SYCP2: variants seen among roughly 807,000 people sequenced by gnomAD.
SYCP2 encodes synaptonemal complex protein 2, also known as synaptonemal complex lateral element protein.
A neutral mutation model predicts 211.3 loss-of-function variants in SYCP2; 55 were observed. The observed-to-expected ratio is 0.26, with a 90% CI of 0.21 to 0.33. The LOEUF (loss-of-function observed/expected upper bound fraction) is 0.33, where lower values mean the gene tolerates loss of function less well. SYCP2 is among the 10% of genes least tolerant of loss of function. SYCP2 has a pLI of 1.00. For missense variants in SYCP2, 1,731 were observed against 1,752.0 expected (o/e 0.99, Z 0.21); for synonymous variants, 570 against 555.2 (o/e 1.03, Z -0.37).
At chr20:59,878,699 T>C (rs1223046477) in intron 31 of SYCP2, among the ~76,000 whole-genome samples, 2 of 152,122 alleles carry the variant, frequency 1.3e-5, no homozygotes, top group Non-Finnish European at 2.9e-5. Flanking sequence ...CTAAACAATA[T>C]AATGAGATTT....
chr20:59,877,496 T>C lies in SYCP2; in HGVS notation c.3039A>G (p.Arg1013=). ...TTGTTTTGGTTGCTTTTCGTGGAAG[T>C]CTGATTCTTCCTTCCGGAATTGTCT... ...MDKTIPEGRI[R]LPRKATKTKK... is the part of the protein sequence containing the mutation. The change falls in exon 33 of 45, where the codon AGA becomes AGG. Residue 1013 remains arginine (R), a synonymous_variant. Coordinates refer to ENST00000357552, the MANE Select transcript of SYCP2 (RefSeq NM_014258.4). 6.2e-7 allele frequency: 1 copy of C among 1,606,124 alleles called. No individual in the cohort carries two copies. The highest frequency in any genetic ancestry group is 8.5e-7 in the Non-Finnish European group (1 of 1,178,214).
chr20:59,919,351 T>C (rs2060498474), intron 6 of SYCP2, 142 bp downstream of exon 6: 2 of 704,998 alleles, frequency 2.8e-6, no homozygotes, highest in Non-Finnish European at 4.8e-6. Flanking sequence ...AATAAATGCT[T>C]TATACAATCT....
At position 59,875,293 on chromosome 20, in the gene SYCP2, T is replaced by C. The variant is rs767939186; in HGVS notation, c.3327A>G (p.Pro1109=). Residue 1109 remains proline, a synonymous_variant, in exon 34 of 45, where the codon CCA becomes CCG. Coordinates refer to ENST00000357552, the MANE Select transcript of SYCP2 (RefSeq NM_014258.4). ...GACATCTCGTTACTTCTATAGATGA[T>C]GGACTGCCAGATAAAGATCTGGGAG... The part of the protein sequence containing the change: ...DLSPRSLSGS[P]SSIEVTRCIE... 1.2e-4 allele frequency: 189 copies of C among 1,609,570 alleles called. 1 individual carries two copies. The South Asian group carries it at 1.8e-3, about 15-fold the overall frequency.
chr20:59,920,638 T>G, intron 4 of SYCP2, 151 bp from the exon 5 acceptor site: 1 of 677,340 alleles, frequency 1.5e-6, no homozygotes, highest in Non-Finnish European at 2.4e-6. Flanking sequence ...GATGAAAATG[T>G]GGTTTAAGAA....
At chr20:59,904,276 T>C (rs1321394877) in intron 15 of SYCP2, among the ~76,000 whole-genome samples, 1 of 152,140 alleles carries the variant, frequency 6.6e-6, no homozygotes, top group Non-Finnish European at 1.5e-5. Context: ...AGTGTTCCGT[T>C]CAAAATATCT....
intron 31 of SYCP2, among the ~76,000 whole-genome samples, chr20:59,878,645 G>A (rs1473985107): frequency 1.3e-5 from 2 of 152,006 alleles, no homozygotes; most frequent in Non-Finnish European, 2.9e-5. Context: ...GCAGGTCTTA[G>A]TTACTTGCTT....
At chr20:59,921,122 A>AT (rs1219718373) in intron 4 of SYCP2, among the ~76,000 whole-genome samples, 188 bp downstream of exon 4, 1 of 151,648 alleles carries the variant, frequency 6.6e-6, no homozygotes, top group Non-Finnish European at 1.5e-5. Context: ...GGGAAATGAC[A>AT]TTCCAATGTG....
intron 20 of SYCP2, 83 bp downstream of exon 20, chr20:59,895,347 CACTTGCA>C: frequency 9.3e-7 from 1 of 1,079,322 alleles, no homozygotes. Flanking sequence ...CAAAATGAGA[CACTTGCA>C]GCTTGCAAAA....
chr20:59,886,092 T>G, intron 25 of SYCP2, 128 bp from the exon 26 acceptor site: 2 of 669,640 alleles, frequency 3.0e-6, no homozygotes, highest in Non-Finnish European at 5.1e-6. Flanking sequence ...AATGTAACAG[T>G]AATAGTCTGA....
intron 1 of SYCP2, among the ~76,000 whole-genome samples, chr20:59,932,438 A>G (rs1051074772): frequency 6.6e-6 from 1 of 152,060 alleles, no homozygotes; most frequent in African/African-American, 2.4e-5. Context: ...CACTTTGGGA[A>G]GCCGAGGCAG....
chr20:59,913,499 T>C (rs1024989041), intron 12 of SYCP2, among the ~76,000 whole-genome samples: 1 of 152,170 alleles, frequency 6.6e-6, no homozygotes, highest in South Asian at 2.1e-4. Flanking sequence ...ATATTACACA[T>C]CCTTTCATGC....
intron 39 of SYCP2, among the ~76,000 whole-genome samples, chr20:59,866,861 T>G: frequency 6.6e-6 from 1 of 151,620 alleles, no homozygotes; most frequent in Admixed American, 6.6e-5. Context: ...ACAAAAATGC[T>G]GATGGTTATA....
In SYCP2 at chr20:59,900,218, T is replaced by G; in HGVS notation, c.1324A>C (p.Lys442Gln). Residue 442 changes from lysine (K) to glutamine (Q), a missense_variant, in exon 18 of 45, where the codon AAG becomes CAG. Transcript: ENST00000357552. ...GGTTTAGCAAATTCCTTTGGGGACT[T>G]TGATTTTTCCTTTAAACTAACGAGC... ...EELVSLKEKS[K>Q]SPKEFAKPSK... 6.2e-7 allele frequency: 1 copy of G among 1,613,216 alleles called. No individual in the cohort carries two copies.
intron 1 of SYCP2, among the ~76,000 whole-genome samples, chr20:59,932,568 G>A (rs1051618375): frequency 6.6e-6 from 1 of 152,128 alleles, no homozygotes; most frequent in Non-Finnish European, 1.5e-5. Context: ...CAGTTACTCC[G>A]GAGGCTGAAG....
chr20:59,870,094 C>G (rs2059422097), intron 35 of SYCP2, 111 bp from the exon 36 acceptor site: 1 of 625,370 alleles, frequency 1.6e-6, no homozygotes, highest in Non-Finnish European at 2.6e-6. Flanking sequence ...TGCAAAACTA[C>G]TAATTCACTG....
chr20:59,883,152 C>A (rs2059717622), intron 26 of SYCP2, among the ~76,000 whole-genome samples: 1 of 152,098 alleles, frequency 6.6e-6, no homozygotes, highest in Admixed American at 6.6e-5. Context: ...AGTTCAAGAC[C>A]AGCCTGACCA....
In SYCP2 at chr20:59,881,872, C is replaced by A; in HGVS notation, c.2658+73G>T. 2.5e-6 allele frequency: 3 copies of A among 1,214,858 alleles called. No homozygotes were observed. In the South Asian group the frequency reaches 4.1e-5, roughly 17 times the overall value. The allele number at this position is 1,214,858 out of a possible 1,614,324, so 75.3% of individuals were successfully genotyped here. The stretch of plus-strand genomic sequence containing the variant: ...TATGAGGATGCACATTAAAAACATT[C>A]TATGTAATAACTGCATGGTAAATGC... On this transcript the variant is annotated intron_variant, in intron 28 of 44. Transcript: ENST00000357552.
intron 10 of SYCP2, 141 bp downstream of exon 10, chr20:59,915,024 A>G: frequency 1.7e-6 from 1 of 582,484 alleles, no homozygotes; most frequent in South Asian, 2.6e-5. Flanking sequence ...TTTCATGTAT[A>G]TTTATTAAAA....
chr20:59,900,092 T>C, intron 18 of SYCP2, 46 bp downstream of exon 18: 1 of 1,584,414 alleles, frequency 6.3e-7, no homozygotes. Flanking sequence ...AACAGTGATT[T>C]GATCAATGGT....
Sources: gnomAD v4.1 joint callset for allele counts (sites outside exome capture counted in the v4.1 genomes callset) on GRCh38, gnomAD v4.1.1 for gene constraint, MANE v1.5 for transcripts, NCBI Gene and HGNC (gene_info 2026-07-23, HGNC 2026-07-21) for gene names.